SOS1: variants seen among roughly 807,000 people sequenced by gnomAD.
SOS1 encodes SOS Ras/Rac guanine nucleotide exchange factor 1.
Under a neutral mutation model 157.6 loss-of-function variants are expected in SOS1, and 25 were observed. The ratio of observed to expected loss-of-function variants is 0.16; its 90% CI spans 0.12 to 0.22. The LOEUF (loss-of-function observed/expected upper bound fraction) is 0.22. Ranked by LOEUF, SOS1 falls within the 10% of genes least tolerant of loss-of-function variation. The pLI, the probability that SOS1 is intolerant of heterozygous loss-of-function variation, is 1.00. For missense variants in SOS1, 1,237 were observed against 1,599.1 expected, an observed-to-expected ratio of 0.77 and a Z score of 3.86; for synonymous variants, 528 against 534.0, an observed-to-expected ratio of 0.99 and a Z score of 0.16.
chr2:39,107,949 G>A (rs1384027443), intron 1 of SOS1, among the ~76,000 whole-genome samples: 1 of 152,064 alleles, frequency 6.6e-6, no homozygotes, highest in African/African-American at 2.4e-5. Flanking sequence ...TTCCACGCTT[G>A]GATATCTGCC....
At chr2:39,093,620 G>A (rs1672666589) in intron 1 of SOS1, among the ~76,000 whole-genome samples, 1 of 152,206 alleles carries the variant, frequency 6.6e-6, no homozygotes, top group South Asian at 2.1e-4. Context: ...CAGAAGCCCA[G>A]AGACACGAGA....
chr2:39,035,761 T>C (rs895107030), intron 6 of SOS1, among the ~76,000 whole-genome samples: 1 of 152,180 alleles, frequency 6.6e-6, no homozygotes, highest in Non-Finnish European at 1.5e-5. Context: ...TAGAGTATTA[T>C]CAACAAACAT....
chr2:39,057,982 A>G (rs932711815), intron 3 of SOS1, among the ~76,000 whole-genome samples: 1 of 152,080 alleles, frequency 6.6e-6, no homozygotes, highest in Non-Finnish European at 1.5e-5. Flanking sequence ...TGTGGATAAT[A>G]ATAACTTTGT....
chr2:39,087,682 T>G (rs1672428655), intron 1 of SOS1, among the ~76,000 whole-genome samples: 1 of 152,122 alleles, frequency 6.6e-6, no homozygotes, highest in Non-Finnish European at 1.5e-5. Flanking sequence ...TTTATTTTAT[T>G]TTATTTTTGA....
intron 15 of SOS1, 132 bp from the exon 16 acceptor site, chr2:39,007,325 C>G: frequency 1.5e-6 from 1 of 655,716 alleles, no homozygotes. Context: ...AGAGAAGACA[C>G]ATTCAGGGTG....
rs1032303087 is a variant in SOS1, at chr2:38,997,606, A to T, written c.2792-181T>A. 5.4e-3 allele frequency among the ~76,000 whole-genome samples: 790 copies of T among 146,360 alleles called. 3 individuals carry two copies. Among genetic ancestry groups the T allele is most frequent in the Middle Eastern group, 0.021 (6 of 286 alleles). On this transcript the variant is annotated intron_variant, in intron 17 of 22. Transcript: ENST00000402219. ...GAGAAAGTATCTGTGAAAGACTTAA[A>T]TTTTTTTTTTTTTTTCCTCATCAGA...
At chr2:39,123,548 G>A (rs1294380733), upstream of SOS1, among the ~76,000 whole-genome samples, 3 of 151,696 alleles carry the variant, frequency 2.0e-5, no homozygotes, top group Non-Finnish European at 4.4e-5. Context: ...AGTAGAGGTG[G>A]GGTTTCGCTA....
At chr2:39,123,152 C>A (rs925563049), upstream of SOS1, among the ~76,000 whole-genome samples, 9 of 152,296 alleles carry the variant, frequency 5.9e-5, no homozygotes, top group African/African-American at 2.2e-4. Flanking sequence ...GAACCCCTAA[C>A]TGTTCCCTTG....
intron 17 of SOS1, among the ~76,000 whole-genome samples, chr2:38,999,456 AATCTGAC>A (rs1332575592): frequency 6.6e-6 from 1 of 152,230 alleles, no homozygotes; most frequent in African/African-American, 2.4e-5. Context: ...GCAATAATGA[AATCTGAC>A]ATCAATGCCT....
Position 39,056,845 on chromosome 2 carries a change from C to A in SOS1, c.367G>T (p.Asp123Tyr). ...ACTATGTAAACAGAAACCTGGTGGTCAATTTTATAACCTAGGACCTCCTGC... is the reference window on the plus strand; with the variant it reads ...ACTATGTAAACAGAAACCTGGTGGTAAATTTTATAACCTAGGACCTCCTGC... ...LLKEVLGYKIDHQVSVYIVAV... is the reference protein window; with the variant it reads ...LLKEVLGYKIYHQVSVYIVAV... Residue 123 changes from aspartate (D) to tyrosine (Y), a missense_variant, in exon 4 of 23, where the codon GAC becomes TAC. Transcript: ENST00000402219. 1.2e-6 allele frequency: 2 copies of A among 1,609,796 alleles called. No individual in the cohort carries two copies. Among genetic ancestry groups the A allele is most frequent in the Non-Finnish European group, 1.7e-6 (2 of 1,176,376 alleles).
At chr2:39,060,210 T>C (rs1558494078) in intron 2 of SOS1, among the ~76,000 whole-genome samples, 2 of 152,216 alleles carry the variant, frequency 1.3e-5, no homozygotes, top group Admixed American at 6.5e-5. Flanking sequence ...TAACCCATGA[T>C]TAACTAAGTG....
intron 3 of SOS1, among the ~76,000 whole-genome samples, chr2:39,057,367 T>A (rs903290159): frequency 6.6e-6 from 1 of 152,028 alleles, no homozygotes; most frequent in Admixed American, 6.5e-5. Context: ...TCTACGAAAA[T>A]AAAATTCATG....
intron 2 of SOS1, among the ~76,000 whole-genome samples, chr2:39,063,499 T>A (rs1020448932): frequency 6.6e-6 from 1 of 152,228 alleles, no homozygotes; most frequent in Non-Finnish European, 1.5e-5. Flanking sequence ...CAACACTGCC[T>A]GATGGTAAAT....
chr2:39,050,065 A>G (rs1463235099), intron 6 of SOS1, among the ~76,000 whole-genome samples: 3 of 152,028 alleles, frequency 2.0e-5, no homozygotes, highest in Non-Finnish European at 4.4e-5. Context: ...TTTTCTTTTT[A>G]TACTTTATTA....
At chr2:39,081,743 T>C (rs1322551649) in intron 1 of SOS1, among the ~76,000 whole-genome samples, 1 of 151,806 alleles carries the variant, frequency 6.6e-6, no homozygotes, top group African/African-American at 2.4e-5. Context: ...GAGAATCACT[T>C]GAACCCAGGA....
At chr2:39,064,245 A>AT (rs1671512454) in intron 2 of SOS1, among the ~76,000 whole-genome samples, 1 of 152,242 alleles carries the variant, frequency 6.6e-6, no homozygotes, top group Admixed American at 6.5e-5. Flanking sequence ...AATCTAGCTA[A>AT]TTAACAAATG....
intron 6 of SOS1, among the ~76,000 whole-genome samples, chr2:39,041,217 T>G (rs1317407444): frequency 6.6e-6 from 1 of 152,152 alleles, no homozygotes; most frequent in Non-Finnish European, 1.5e-5. Context: ...ACCACCATCC[T>G]GGGCAAATTT....
intron 2 of SOS1, among the ~76,000 whole-genome samples, chr2:39,064,953 T>C (rs1671545214): frequency 6.6e-6 from 1 of 151,350 alleles, no homozygotes; most frequent in Admixed American, 6.6e-5. Flanking sequence ...AGATGGGGTT[T>C]CACCATGTTA....
chr2:39,009,069 G>A lies in SOS1; in HGVS notation c.2510+1515C>T, dbSNP rs553786299. ...TTTCTAAGTAGCCATTATGAATACG[G>A]TCACGGAATTAAAGGAAAGCATGAA... On this transcript the variant is annotated intron_variant, in intron 15 of 22. Coordinates refer to ENST00000402219, the MANE Select transcript of SOS1 (RefSeq NM_005633.4). 3.9e-5 allele frequency among the ~76,000 whole-genome samples: 6 copies of A among 152,180 alleles called. No homozygotes were observed. In the South Asian group the frequency reaches 1.2e-3, roughly 32 times the overall value.
Sources: allele counts gnomAD v4.1 joint callset (sites outside exome capture counted in the v4.1 genomes callset), GRCh38; gene constraint gnomAD v4.1.1; transcripts MANE v1.5; gene names NCBI Gene and HGNC (gene_info 2026-07-23, HGNC 2026-07-21).